LRTM1: variants seen among roughly 807,000 people sequenced by gnomAD.
The protein encoded by LRTM1 is leucine-rich repeat and transmembrane domain-containing protein 1.
LRTM1 carries 38 observed loss-of-function variants against 32.4 expected under a neutral mutation model. The observed-to-expected ratio is 1.17, with a 90% CI of 0.91 to 1.54. LRTM1 has a LOEUF of 1.54. Ranked by LOEUF, LRTM1 falls within the 40% of genes most tolerant of loss-of-function variation. The probability of loss-of-function intolerance (pLI) is 0.00; values close to 1 mark genes in which losing one functional copy is unlikely to be tolerated. For missense variants in LRTM1, 466 were observed against 415.4 expected (o/e 1.12, Z -1.06); for synonymous variants, 186 against 169.9 (o/e 1.09, Z -0.74).
Position 54,951,798 on chromosome 3 carries a change from G to A in LRTM1, c.-222+15130C>T, listed in dbSNP as rs79101625. Among the ~76,000 whole-genome samples, 1,241 of 152,322 alleles carry A rather than the reference G, an allele frequency of 8.1e-3. 35 individuals are homozygous for A. Among genetic ancestry groups the A allele is most frequent in the East Asian group, 0.048 (247 of 5,178 alleles). On this transcript the variant is annotated intron_variant, in intron 1 of 2. Coordinates refer to the LRTM1 transcript ENST00000493075. ...ACACAGGGTGGGTTCCTGGCCCAGA[G>A]TGGGCCCTCAGTAATTCTATTTTCT...
chr3:54,928,103 C>A (rs1575382969), upstream of LRTM1: 1 of 580,812 alleles, frequency 1.7e-6, no homozygotes, highest in Non-Finnish European at 3.0e-6. Flanking sequence ...AGCCCTTCCC[C>A]TTGTCTCCAT....
intron 1 of LRTM1, among the ~76,000 whole-genome samples, chr3:54,948,904 G>C (rs1701684651): frequency 1.3e-5 from 2 of 152,176 alleles, no homozygotes; most frequent in African/African-American, 2.4e-5. Context: ...TTGATTATTT[G>C]ATTATTTGGG....
At chr3:54,934,239 A>G (rs1701274520) in intron 1 of LRTM1, among the ~76,000 whole-genome samples, 1 of 152,176 alleles carries the variant, frequency 6.6e-6, no homozygotes, top group South Asian at 2.1e-4. Context: ...CCCTAAGGTC[A>G]TTTTTTACAC....
At chr3:54,936,024 G>T (rs182919736) in intron 1 of LRTM1, among the ~76,000 whole-genome samples, 3 of 152,156 alleles carry the variant, frequency 2.0e-5, no homozygotes, top group East Asian at 1.9e-4. Flanking sequence ...CAAAAATACC[G>T]CCTCCAACAT....
chr3:54,961,984 G>T (rs1466065968), intron 1 of LRTM1, among the ~76,000 whole-genome samples: 1 of 152,188 alleles, frequency 6.6e-6, no homozygotes, highest in East Asian at 1.9e-4. Flanking sequence ...ATCGTGAGGG[G>T]ACTGAGCGTG....
chr3:54,954,255 C>T (rs1210944693), intron 1 of LRTM1, among the ~76,000 whole-genome samples: 2 of 152,188 alleles, frequency 1.3e-5, no homozygotes, highest in Admixed American at 6.5e-5. Flanking sequence ...TCGAGTCAGT[C>T]GGCAGCTCCC....
chr3:54,956,374 G>A (rs940341694), intron 1 of LRTM1, among the ~76,000 whole-genome samples: 1 of 152,202 alleles, frequency 6.6e-6, no homozygotes, highest in African/African-American at 2.4e-5. Context: ...CACCACCAAG[G>A]GGACAATTTT....
upstream of LRTM1, among the ~76,000 whole-genome samples, chr3:54,932,301 C>G (rs953133348): frequency 6.6e-6 from 1 of 151,838 alleles, no homozygotes; most frequent in Non-Finnish European, 1.5e-5. Flanking sequence ...TTGTATAATC[C>G]CATTTATATT....
chr3:54,962,336 T>G (rs1366329227), intron 1 of LRTM1, among the ~76,000 whole-genome samples: 1 of 152,126 alleles, frequency 6.6e-6, no homozygotes, highest in Non-Finnish European at 1.5e-5. Context: ...GATATAACAC[T>G]CTAAGGAACA....
intron 2 of LRTM1, 148 bp downstream of exon 2, chr3:54,924,471 T>C (rs371422434): frequency 3.1e-6 from 2 of 654,668 alleles, no homozygotes; most frequent in Non-Finnish European, 5.3e-6. Context: ...CTTGACTCTT[T>C]TGCCATACCG....
intron 1 of LRTM1, among the ~76,000 whole-genome samples, chr3:54,961,408 A>G (rs1055973769): frequency 6.6e-6 from 1 of 152,252 alleles, no homozygotes; most frequent in Non-Finnish European, 1.5e-5. Context: ...GGAAATCCTT[A>G]GCAGGTAATT....
chr3:54,936,900 A>G (rs889512035), intron 1 of LRTM1, among the ~76,000 whole-genome samples: 4 of 152,136 alleles, frequency 2.6e-5, no homozygotes, highest in African/African-American at 9.7e-5. Context: ...TGAGGAGAAA[A>G]TAAACTCCGT....
At chr3:54,941,863 A>G (rs1701476276) in intron 1 of LRTM1, among the ~76,000 whole-genome samples, 1 of 152,164 alleles carries the variant, frequency 6.6e-6, no homozygotes, top group Non-Finnish European at 1.5e-5. Context: ...ACAGTTCTGC[A>G]GCTCTGTTTG....
chr3:54,934,618 C>T (rs573135534), intron 1 of LRTM1, among the ~76,000 whole-genome samples: 1 of 152,298 alleles, frequency 6.6e-6, no homozygotes, highest in South Asian at 2.1e-4. Context: ...TTCTTTTCAG[C>T]ATCCACGTGT....
Position 54,925,648 on chromosome 3 carries a change from A to G in LRTM1, c.8-433T>C, listed in dbSNP as rs1700992561. On this transcript the variant is annotated intron_variant, in intron 1 of 2. Coordinates refer to ENST00000273286, the MANE Select transcript of LRTM1 (RefSeq NM_020678.4). Reference sequence around the variant, plus strand: ...GTATGCTGCAGAACAGTGCTGTCTAATACAACTTTCTGTGATGATAGAAGT... The same window carrying G: ...GTATGCTGCAGAACAGTGCTGTCTAGTACAACTTTCTGTGATGATAGAAGT... Among the ~76,000 whole-genome samples, 8 of 152,362 alleles carry G rather than the reference A, an allele frequency of 5.3e-5. No homozygotes were observed. In the South Asian group the frequency reaches 1.7e-3, roughly 32 times the overall value.
chr3:54,958,342 A>G (rs1249149899), intron 1 of LRTM1, among the ~76,000 whole-genome samples: 2 of 152,176 alleles, frequency 1.3e-5, no homozygotes, highest in African/African-American at 4.8e-5. Context: ...GCAGTGAGCT[A>G]TGATTGTGCC....
intron 1 of LRTM1, among the ~76,000 whole-genome samples, chr3:54,954,729 T>C (rs1475407838): frequency 6.6e-6 from 1 of 152,296 alleles, no homozygotes; most frequent in Admixed American, 6.5e-5. Flanking sequence ...AAATCCAGAA[T>C]CTGCTTCTTT....
In LRTM1 at chr3:54,918,322, T is replaced by TTTTTTTTTTC; in HGVS notation, c.*127_*136dup. ...CAGAAATATTTTTTACAGACACATCTTTTTTTTTTCTTTTTTTTTTTTTTT... is the reference window on the plus strand; with the variant it reads ...CAGAAATATTTTTTACAGACACATCTTTTTTTTTTCTTTTTTTTTCTTTTTTTTTTTTTTT... On this transcript the variant is annotated 3_prime_UTR_variant, in exon 3 of 3. Coordinates refer to ENST00000273286, the MANE Select transcript of LRTM1 (RefSeq NM_020678.4). The TTTTTTTTTTC allele has an allele frequency of 2.1e-5, 4 of 187,326 alleles. 1 individual carries two copies. The highest frequency in any genetic ancestry group is 9.1e-5 in the South Asian group (1 of 10,960). The allele number at this position is 187,326 out of a possible 1,614,324, so 11.6% of individuals were successfully genotyped here. A position where few individuals can be genotyped will look rare whatever the true frequency, so the allele number is the denominator to read the frequency against.
rs1307525510 is a variant in LRTM1, at chr3:54,918,616, A to G, written c.881T>C (p.Val294Ala). 2 of 1,613,852 alleles carry G rather than the reference A, an allele frequency of 1.2e-6. No homozygotes were observed. Among genetic ancestry groups the G allele is most frequent in the Non-Finnish European group, 8.5e-7 (1 of 1,179,994 alleles). ...HAIATVIITG[V>A]VCGIVCLMML... ...CATGAGACACACAATCCCACACACA[A>G]CGCCAGTGATGATGACAGTGGCAAT... Residue 294 changes from valine to alanine, a missense_variant, in exon 3 of 3, where the codon GTT becomes GCT. Val to Ala is a moderately conservative substitution (Grantham distance 64). Transcript: ENST00000273286.
Sources: allele counts gnomAD v4.1 joint callset (sites outside exome capture counted in the v4.1 genomes callset), GRCh38; gene constraint gnomAD v4.1.1; transcripts MANE v1.5; gene names NCBI Gene and HGNC (gene_info 2026-07-23, HGNC 2026-07-21).